ADARB2: variants seen among roughly 807,000 people sequenced by gnomAD.
The protein encoded by ADARB2 is inactive double-stranded RNA-specific editase B2.
A neutral mutation model predicts 62.2 loss-of-function variants in ADARB2; 25 were observed. The ratio of observed to expected loss-of-function variants is 0.40; its 90% CI spans 0.29 to 0.56. ADARB2 has a LOEUF of 0.56. Among genes scored for constraint, ADARB2 ranks in the 20% least tolerant of loss-of-function variants. The pLI is 0.43. For synonymous variants in ADARB2, 572 were observed against 500.8 expected, an observed-to-expected ratio of 1.14 and a Z score of -1.90; for missense variants, 1,071 against 1,077.4, an observed-to-expected ratio of 0.99 and a Z score of 0.08.
chr10:1,607,283 C>T (rs564113715), intron 1 of ADARB2, among the ~76,000 whole-genome samples: 16 of 152,200 alleles, frequency 1.1e-4, no homozygotes, highest in Non-Finnish European at 1.5e-4. Flanking sequence ...CGATTCACCA[C>T]GTCCATCAGA....
At chr10:1,400,589 G>A (rs1832653169) in intron 1 of ADARB2, among the ~76,000 whole-genome samples, 1 of 152,132 alleles carries the variant, frequency 6.6e-6, no homozygotes, top group Non-Finnish European at 1.5e-5. Context: ...TTTCCCACCT[G>A]ATGCCAGGCC....
chr10:1,717,484 T>G (rs566734105), intron 1 of ADARB2, among the ~76,000 whole-genome samples: 1 of 151,770 alleles, frequency 6.6e-6, no homozygotes, highest in Non-Finnish European at 1.5e-5. Context: ...GTTCTTTTCT[T>G]TCTTCCTTCC....
In ADARB2 at chr10:1,444,299, ATCCATCCATCCACTCATTCATCCT is replaced by A. The variant is rs1382964426; in HGVS notation, c.101-65163_101-65140del. Among the ~76,000 whole-genome samples the A allele has an allele frequency of 3.6e-3, 511 of 141,942 alleles. 7 individuals carry two copies. Among genetic ancestry groups the A allele is most frequent in the African/African-American group, 0.012 (453 of 37,054 alleles). The allele number at this position is 141,942 out of a possible 152,430, so 93.1% of individuals were successfully genotyped here. A position where few individuals can be genotyped will look rare whatever the true frequency, so the allele number is the denominator to read the frequency against. On this transcript the variant is annotated intron_variant, in intron 1 of 9. Coordinates refer to ENST00000381312, the MANE Select transcript of ADARB2 (RefSeq NM_018702.4). Reference sequence around the variant, plus strand: ...TCTATCTACATCCATCCATCCATCCATCCATCCATCCACTCATTCATCCTTCCATCCACCCAGCCATCCACTCAC... The same window carrying A: ...TCTATCTACATCCATCCATCCATCCATCCATCCACCCAGCCATCCACTCAC...
chr10:1,346,779 C>A (rs1832085076), intron 3 of ADARB2, among the ~76,000 whole-genome samples: 1 of 152,254 alleles, frequency 6.6e-6, no homozygotes, highest in South Asian at 2.1e-4. Flanking sequence ...TGGGTCCTTG[C>A]CTTCTCCCAT....
intron 1 of ADARB2, among the ~76,000 whole-genome samples, chr10:1,423,102 C>G (rs778669074): frequency 1.3e-5 from 2 of 152,074 alleles, no homozygotes; most frequent in African/African-American, 4.8e-5. Context: ...CCAGCAGTCT[C>G]TCTGCTCCGA....
At chr10:1,266,638 C>T (rs1256997723) in intron 4 of ADARB2, among the ~76,000 whole-genome samples, 2 of 152,200 alleles carry the variant, frequency 1.3e-5, no homozygotes, top group East Asian at 1.9e-4. Context: ...CAGAAGACAC[C>T]AGGCCAACGC....
chr10:1,367,204 G>C (rs10903430), intron 2 of ADARB2, among the ~76,000 whole-genome samples: 20,576 of 152,246 alleles, frequency 0.14, 2,115 homozygotes, highest in East Asian at 0.46. Flanking sequence ...CGTTCAGCTC[G>C]GGGTGAAAAC....
rs185396932 is a variant in ADARB2, at chr10:1,477,449, C to T, written c.101-98289G>A. Among the ~76,000 whole-genome samples the T allele has an allele frequency of 6.6e-5, 10 of 152,286 alleles. No homozygotes were observed. Among genetic ancestry groups the T allele is most frequent in the Non-Finnish European group, 1.0e-4 (7 of 68,022 alleles). On this transcript the variant is annotated intron_variant, in intron 1 of 9. Coordinates refer to ENST00000381312, the MANE Select transcript of ADARB2 (RefSeq NM_018702.4). This position sits in a 1 kb window ranked among gnomAD's most constrained non-coding sequence, Gnocchi z 4.5. ...CCTTCCAGCCCTGCTTCTTTGCAGA[C>T]GGCCCCTTTTCTGCTGTGCTGCCCA...
At chr10:1,545,723 T>C (rs564091721) in intron 1 of ADARB2, among the ~76,000 whole-genome samples, 2 of 152,212 alleles carry the variant, frequency 1.3e-5, no homozygotes, top group East Asian at 3.9e-4. Context: ...CTGCACTCCA[T>C]GAAAAGCAAC....
intron 4 of ADARB2, among the ~76,000 whole-genome samples, chr10:1,256,952 A>G (rs1337283027): frequency 6.6e-6 from 1 of 152,228 alleles, no homozygotes; most frequent in Non-Finnish European, 1.5e-5. Flanking sequence ...CACTAAAACC[A>G]GAAATAATGA....
intron 3 of ADARB2, among the ~76,000 whole-genome samples, chr10:1,320,247 A>T (rs1286343455): frequency 6.6e-6 from 1 of 152,194 alleles, no homozygotes; most frequent in Non-Finnish European, 1.5e-5. Context: ...GCTATGGAGA[A>T]TGGAGTGAGT....
chr10:1,544,425 C>T lies in ADARB2; in HGVS notation c.101-165265G>A, dbSNP rs575342676. 2.6e-5 allele frequency among the ~76,000 whole-genome samples: 4 copies of T among 152,360 alleles called. No individual in the cohort carries two copies. The East Asian group carries it at 5.8e-4, about 22-fold the overall frequency. On this transcript the variant is annotated intron_variant, in intron 1 of 9. Transcript: ENST00000381312. ...CCAGGGCAGGCTTCTCAGGAGCAGG[C>T]TTGGGGGTCTGTGGCTTTTCACACG...
chr10:1,300,710 AT>A (rs1236225560), intron 3 of ADARB2, among the ~76,000 whole-genome samples: 1 of 152,180 alleles, frequency 6.6e-6, no homozygotes, highest in Non-Finnish European at 1.5e-5. Flanking sequence ...AGGGATTTGG[AT>A]TTAAAATCAA....
chr10:1,662,710 AGCAGG>A (rs2119090388), intron 1 of ADARB2, among the ~76,000 whole-genome samples: 1 of 152,350 alleles, frequency 6.6e-6, no homozygotes, highest in East Asian at 1.9e-4. Context: ...GACAGAGGAC[AGCAGG>A]GAGGAGTCCG....
chr10:1,244,108 G>A (rs772830746), intron 4 of ADARB2, among the ~76,000 whole-genome samples: 18 of 152,344 alleles, frequency 1.2e-4, no homozygotes, highest in Middle Eastern at 6.8e-3. Context: ...CCCAGAAGTT[G>A]ACGAGCAGAT....
chr10:1,479,861 C>T (rs1831445292), intron 1 of ADARB2, among the ~76,000 whole-genome samples: 1 of 152,186 alleles, frequency 6.6e-6, no homozygotes, highest in Admixed American at 6.5e-5. Context: ...CAAGACAAAA[C>T]ATCGAAGGAC....
intron 1 of ADARB2, among the ~76,000 whole-genome samples, chr10:1,501,687 A>G (rs1831770445): frequency 6.6e-6 from 1 of 152,220 alleles, no homozygotes; most frequent in Admixed American, 6.5e-5. Context: ...GCCTGTTTTG[A>G]TCCAAGGGTA....
At chr10:1,375,995 ACAT>A (rs1323258768) in intron 2 of ADARB2, among the ~76,000 whole-genome samples, 2 of 151,802 alleles carry the variant, frequency 1.3e-5, no homozygotes, top group African/African-American at 4.8e-5. Context: ...ACACACACGC[ACAT>A]GACACATATA....
chr10:1,511,328 G>T (rs1831933942), intron 1 of ADARB2, among the ~76,000 whole-genome samples: 1 of 152,188 alleles, frequency 6.6e-6, no homozygotes, highest in Non-Finnish European at 1.5e-5. Flanking sequence ...ACCCCATGGT[G>T]GGCTTTGATC....
Sources: allele counts gnomAD v4.1 joint callset (sites outside exome capture counted in the v4.1 genomes callset), GRCh38; gene constraint gnomAD v4.1.1; non-coding constraint Gnocchi (gnomAD v3.1); transcripts MANE v1.5; gene names NCBI Gene and HGNC (gene_info 2026-07-23, HGNC 2026-07-21).